DEFB121: variants seen among roughly 807,000 people sequenced by gnomAD.
DEFB121 encodes the protein beta-defensin 121.
DEFB121 carries 5 observed loss-of-function variants against 2.5 expected under a neutral mutation model. The observed-to-expected ratio is 1.96, with a 90% confidence interval of 1.03 to 4.13. The LOEUF is 4.13. Ranked by LOEUF, DEFB121 falls within the 30% of genes most tolerant of loss-of-function variation. DEFB121 has a pLI of 0.00. For synonymous variants in DEFB121, 39 were observed against 32.6 expected, an observed-to-expected ratio of 1.20 and a Z score of -0.67; for missense variants, 87 against 85.0, an observed-to-expected ratio of 1.02 and a Z score of -0.09.
At chr20:31,413,924 T>C (rs1192431270), upstream of DEFB121, among the ~76,000 whole-genome samples, 1 of 152,150 alleles carries the variant, frequency 6.6e-6, no homozygotes, top group Non-Finnish European at 1.5e-5. Context: ...AAATGAAAGA[T>C]AGGCGGGGTA....
rs1568738302 is a variant in DEFB121 at position 31,404,996 on chromosome 20, A to ACTTAGC, written c.142_147dup (p.Ala48_Lys49dup). 2.8e-5 allele frequency: 45 copies of ACTTAGC among 1,614,040 alleles called. No homozygotes were observed. Among genetic ancestry groups the ACTTAGC allele is most frequent in the Non-Finnish European group, 3.8e-5 (45 of 1,180,006 alleles). On this transcript the variant is annotated inframe_insertion, in exon 2 of 2. Transcript: ENST00000376314. ...GGTACATACTTGGGATCCACACAGC[A>ACTTAGC]CTTAGCCTCAGTTTTGCATAATATA... is the stretch of plus-strand genomic sequence containing the variant.
rs139658443 is a variant in DEFB121 at position 31,405,087 on chromosome 20, T to G, written c.59-2A>C. The G allele has an allele frequency of 2.5e-6, 4 of 1,591,896 alleles. No homozygotes were observed. In the African/African-American group the frequency reaches 5.5e-5, roughly 22 times the overall value. On this transcript the variant is annotated splice_acceptor_variant, in intron 1 of 1. Coordinates refer to ENST00000376314, the MANE Select transcript of DEFB121 (RefSeq NM_001011878.3). LOFTEE classifies it high-confidence loss of function. ...CTGACTTGCCCCAACATTTCATGAC[T>G]GAAAACAAAAGGGAAGAAGAGAATA...
At position 31,406,118 on chromosome 20, in the gene DEFB121, A is replaced by T; in HGVS notation, c.35T>A (p.Leu12Gln). 1 of 1,614,172 alleles carries T rather than the reference A, an allele frequency of 6.2e-7. No individual in the cohort carries two copies. Among genetic ancestry groups the T allele is most frequent in the Non-Finnish European group, 8.5e-7 (1 of 1,180,008 alleles). ...KLLLLLLTVT[L>Q]LLAQVTPVMK... is the part of the protein sequence containing the mutation. The stretch of plus-strand genomic sequence containing the variant: ...ACCTGGGGTGACCTGGGCCAGGAGC[A>T]GAGTAACAGTCAAAAGCAGAAGAAG... Residue 12 changes from leucine to glutamine, a missense_variant, in exon 1 of 2, where the codon CTG (leucine) becomes CAG (glutamine). Coordinates refer to ENST00000376314, the MANE Select transcript of DEFB121 (RefSeq NM_001011878.3).
the DEFB121 span, among the ~76,000 whole-genome samples, chr20:31,418,268 A>AAAAAAAG: frequency 4.2e-4 from 38 of 89,560 alleles, no homozygotes; most frequent in Non-Finnish European, 1.4e-4. Flanking sequence ...TCAAAAAAAA[A>AAAAAAAG]AAAAAAAAAA....
Position 31,405,015 on chromosome 20 carries a change from T to C in DEFB121, c.129A>G (p.Leu43=). 1 of 1,613,852 alleles carries C rather than the reference T, an allele frequency of 6.2e-7. No homozygotes were observed. The highest frequency in any genetic ancestry group is 8.5e-7 in the Non-Finnish European group (1 of 1,179,978). The change falls in exon 2 of 2, where the codon TTA becomes TTG. Residue 43 remains leucine (L), a synonymous_variant. Transcript: ENST00000376314. ...CACAGCACTTAGCCTCAGTTTTGCA[T>C]AATATATAGTATACTTCACTTTCTT... ...TCKESEVYYI[L]CKTEAKCCVD...
At position 31,406,189 on chromosome 20, in the gene DEFB121, C is replaced by T; in HGVS notation, c.-37G>A. The stretch of plus-strand genomic sequence containing the variant: ...GATCAGGGAGGGATAGGAGGCTTCT[C>T]AACTGGTAAAACAGACAGAGGACTC... On this transcript the variant is annotated 5_prime_UTR_variant, in exon 1 of 2. Coordinates refer to ENST00000376314, the MANE Select transcript of DEFB121 (RefSeq NM_001011878.3). 18 of 1,613,140 alleles carry T rather than the reference C, an allele frequency of 1.1e-5. 1 individual carries two copies. Among genetic ancestry groups the T allele is most frequent in the Non-Finnish European group, 1.4e-5 (17 of 1,179,460 alleles).
At chr20:31,416,049 C>T (rs1978796079), upstream of DEFB121, among the ~76,000 whole-genome samples, 1 of 78,554 alleles carries the variant, frequency 1.3e-5, no homozygotes, top group Non-Finnish European at 2.7e-5. Flanking sequence ...CCCTTCTTCC[C>T]ACTTTTTTGT....
chr20:31,406,296 CA>C (rs978028827), upstream of DEFB121: 19 of 1,424,584 alleles, frequency 1.3e-5, no homozygotes, highest in African/African-American at 2.6e-4. Flanking sequence ...CGGGAACAGT[CA>C]TTTGAGATCA....
upstream of DEFB121, among the ~76,000 whole-genome samples, chr20:31,406,989 G>A (rs992464981): frequency 3.3e-5 from 5 of 152,024 alleles, no homozygotes; most frequent in African/African-American, 1.2e-4. Context: ...AGAAATGGTA[G>A]ATTGCCCCAG....
the DEFB121 span, among the ~76,000 whole-genome samples, chr20:31,418,209 G>A: frequency 7.6e-6 from 1 of 131,228 alleles, no homozygotes; most frequent in Non-Finnish European, 1.6e-5. Context: ...GCAGTGAGCC[G>A]AGGTCCCGCC....
upstream of DEFB121, among the ~76,000 whole-genome samples, chr20:31,410,823 T>TGAGAGAGAGAGAGAGAGAGAGAGAGAGA (rs72164704): frequency 2.2e-5 from 3 of 136,044 alleles, no homozygotes; most frequent in African/African-American, 8.3e-5. Flanking sequence ...CCTTGAAAAA[T>TGAGAGAGAGAGAGAGAGAGAGAGAGAGA]GAGAGAGAGA....
At chr20:31,414,344 T>C (rs1326504319), upstream of DEFB121, among the ~76,000 whole-genome samples, 3 of 152,186 alleles carry the variant, frequency 2.0e-5, no homozygotes, top group Non-Finnish European at 4.4e-5. Context: ...AGCCATTCCA[T>C]TTCTGGATAT....
At chr20:31,412,150 T>C (rs1012935109) in intron 1 of DEFB121, among the ~76,000 whole-genome samples, 3 of 152,198 alleles carry the variant, frequency 2.0e-5, no homozygotes, top group African/African-American at 7.2e-5. Flanking sequence ...TCTTTGGGGA[T>C]AGGAAGCATT....
upstream of DEFB121, among the ~76,000 whole-genome samples, chr20:31,408,507 G>A (rs543150039): frequency 9.6e-4 from 134 of 139,732 alleles, no homozygotes; most frequent in Admixed American, 1.8e-3. Flanking sequence ...TTAATGCTCC[G>A]GAGGTCACTT....
chr20:31,406,629 C>T (rs1300412427), upstream of DEFB121, among the ~76,000 whole-genome samples: 1 of 152,052 alleles, frequency 6.6e-6, no homozygotes, highest in Non-Finnish European at 1.5e-5. Context: ...GGGAAAATAC[C>T]TTAATAGCTC....
At chr20:31,412,584 A>G in intron 1 of DEFB121, 1 of 1,286,280 alleles carries the variant, frequency 7.8e-7, no homozygotes, top group Non-Finnish European at 1.0e-6. Flanking sequence ...AAAGCCTCTG[A>G]CAACTGGTAG....
chr20:31,418,521 C>A, the DEFB121 span, among the ~76,000 whole-genome samples: 1 of 152,112 alleles, frequency 6.6e-6, no homozygotes, highest in African/African-American at 2.4e-5. Flanking sequence ...CCACCAATGT[C>A]GTGACAGTTT....
chr20:31,405,019 ATATAGTATACTTCACTTTCT>A lies in DEFB121; in HGVS notation c.105_124del (p.Lys35AsnfsTer6). ...GCACTTAGCCTCAGTTTTGCATAATATATAGTATACTTCACTTTCTTTACATGTTGTTCTGCACCTGCCTG... is the reference window on the plus strand; with the variant it reads ...GCACTTAGCCTCAGTTTTGCATAATATTACATGTTGTTCTGCACCTGCCTG... On this transcript the variant is annotated frameshift_variant, in exon 2 of 2. Coordinates refer to ENST00000376314, the MANE Select transcript of DEFB121 (RefSeq NM_001011878.3). LOFTEE classifies it low-confidence loss of function (END_TRUNC). The A allele has an allele frequency of 6.2e-6, 10 of 1,613,444 alleles. No homozygotes were observed. The highest frequency in any genetic ancestry group is 8.5e-6 in the Non-Finnish European group (10 of 1,179,906).
At position 31,404,878 on chromosome 20, in the gene DEFB121, C is replaced by T. The variant is rs1012078076; in HGVS notation, c.*35G>A. The T allele has an allele frequency of 6.2e-7, 1 of 1,608,914 alleles. No individual in the cohort carries two copies. The highest frequency in any genetic ancestry group is 8.5e-7 in the Non-Finnish European group (1 of 1,178,254). On this transcript the variant is annotated 3_prime_UTR_variant, in exon 2 of 2. Transcript: ENST00000376314. Reference sequence around the variant, plus strand: ...AATGATTTAATAGAACTGCAGGATCCCATGATGTTGAGACTCAAGGTTGGA... The same window carrying T: ...AATGATTTAATAGAACTGCAGGATCTCATGATGTTGAGACTCAAGGTTGGA...
Sources: allele counts gnomAD v4.1 joint callset (sites outside exome capture counted in the v4.1 genomes callset), GRCh38; gene constraint gnomAD v4.1.1; transcripts MANE v1.5; gene names NCBI Gene and HGNC (gene_info 2026-07-23, HGNC 2026-07-21).